Variants in FAM162A observed in about 807,000 individuals in gnomAD.
FAM162A encodes the protein protein FAM162A.
Under a neutral mutation model 21.8 loss-of-function variants are expected in FAM162A, and 23 were observed. The observed-to-expected ratio is 1.05, with a 90% CI of 0.76 to 1.49. The LOEUF (loss-of-function observed/expected upper bound fraction) is 1.49. FAM162A is among the 40% of genes most tolerant of loss of function. The pLI is 0.00. For synonymous variants in FAM162A, 53 were observed against 61.3 expected (o/e 0.86, Z 0.64); for missense variants, 165 against 186.4 (o/e 0.89, Z 0.67).
intron 2 of FAM162A, among the ~76,000 whole-genome samples, chr3:122,403,537 T>A (rs1431477129): frequency 6.6e-6 from 1 of 152,216 alleles, no homozygotes; most frequent in African/African-American, 2.4e-5. Context: ...GATTTTTATC[T>A]CTATTCCCGA....
At chr3:122,409,223 AG>A (rs773917018) in intron 4 of FAM162A, among the ~76,000 whole-genome samples, 1 of 152,192 alleles carries the variant, frequency 6.6e-6, no homozygotes, top group Non-Finnish European at 1.5e-5. Flanking sequence ...TTGGAATTGT[AG>A]TACAGATACT....
intron 1 of FAM162A, among the ~76,000 whole-genome samples, chr3:122,390,391 G>C (rs2075597074): frequency 1.3e-5 from 2 of 152,140 alleles, no homozygotes; most frequent in Admixed American, 1.3e-4. Context: ...AGACACTCTG[G>C]GGAGTGGGTT....
At position 122,409,594 on chromosome 3, in the gene FAM162A, T is replaced by C. The variant is rs994821843; in HGVS notation, c.373-145T>C. ...AAGCGTACGAGGAAGTTGAAGCACATAGAGGAAACTGCCGTGCTCAGTGTG... is the reference window on the plus strand; with the variant it reads ...AAGCGTACGAGGAAGTTGAAGCACACAGAGGAAACTGCCGTGCTCAGTGTG... On this transcript the variant is annotated intron_variant, in intron 4 of 4. Transcript: ENST00000477892. 4.4e-6 allele frequency: 3 copies of C among 684,596 alleles called. No individual in the cohort carries two copies. In the African/African-American group the frequency reaches 5.4e-5, roughly 12 times the overall value. 42.4% of individuals were successfully genotyped at this position (684,596 alleles called of 1,614,324 possible).
intron 1 of FAM162A, among the ~76,000 whole-genome samples, chr3:122,391,841 A>G (rs1013178162): frequency 9.2e-5 from 14 of 152,214 alleles, no homozygotes; most frequent in African/African-American, 3.4e-4. Flanking sequence ...CTCACAGAGG[A>G]CTTCCTAACT....
At chr3:122,384,341 C>G (rs912055216) in intron 1 of FAM162A, 42 bp downstream of exon 1, 6 of 1,558,072 alleles carry the variant, frequency 3.9e-6, no homozygotes, top group Non-Finnish European at 5.2e-6. Flanking sequence ...GGAGCTGGCC[C>G]GGCCGCTGCG....
Position 122,407,325 on chromosome 3 carries a change from T to C in FAM162A, c.308T>C (p.Ile103Thr). Residue 103 changes from isoleucine (I) to threonine (T), a missense_variant, in exon 4 of 5, where the codon ATC becomes ACC. Transcript: ENST00000477892. ...DAAKNKMRVK[I>T]SYLMIALTVV... ...GCAAAGAACAAGATGCGAGTGAAGA[T>C]CAGCTATCTAATGATTGCCCTGACG... The C allele has an allele frequency of 6.2e-7, 1 of 1,614,096 alleles. No homozygotes were observed. Among genetic ancestry groups the C allele is most frequent in the Non-Finnish European group, 8.5e-7 (1 of 1,179,980 alleles).
intron 1 of FAM162A, among the ~76,000 whole-genome samples, chr3:122,395,265 G>T (rs184828129): frequency 6.6e-6 from 1 of 152,122 alleles, no homozygotes; most frequent in Non-Finnish European, 1.5e-5. Context: ...GGAGGTTCTC[G>T]TTAGGGAATT....
chr3:122,394,278 A>G (rs1394363499), intron 1 of FAM162A, among the ~76,000 whole-genome samples: 8 of 152,022 alleles, frequency 5.3e-5, no homozygotes, highest in South Asian at 4.2e-4. Context: ...ACATTTCAAC[A>G]TGAGATTTGG....
At position 122,385,503 on chromosome 3, in the gene FAM162A, A is replaced by G. The variant is rs149456007; in HGVS notation, c.34+1204A>G. 1.2e-3 allele frequency among the ~76,000 whole-genome samples: 187 copies of G among 152,358 alleles called. 1 individual carries two copies. Among genetic ancestry groups the G allele is most frequent in the African/African-American group, 4.2e-3 (174 of 41,590 alleles). ...TGAAAGGATCATTGCTCTGTAAAAA[A>G]GTTAAAATGGACTGCATGAAAAGAA... On this transcript the variant is annotated intron_variant, in intron 1 of 4. Coordinates refer to ENST00000477892, the MANE Select transcript of FAM162A (RefSeq NM_014367.4).
chr3:122,408,572 G>A (rs908667378), intron 4 of FAM162A, among the ~76,000 whole-genome samples: 6 of 152,166 alleles, frequency 3.9e-5, no homozygotes, highest in African/African-American at 1.4e-4. Flanking sequence ...GTACGAAGGG[G>A]CAAATGTGCT....
intron 1 of FAM162A, among the ~76,000 whole-genome samples, chr3:122,387,216 A>G (rs1259442133): frequency 1.3e-5 from 2 of 152,226 alleles, no homozygotes; most frequent in East Asian, 3.8e-4. Flanking sequence ...AGGATATTGT[A>G]TCTTTCCACA....
rs1454406449 is a variant in FAM162A at position 122,401,918 on chromosome 3, CTGTT to C, written c.35-837_35-834del. Among the ~76,000 whole-genome samples, 8 of 152,116 alleles carry C rather than the reference CTGTT, an allele frequency of 5.3e-5. No individual in the cohort carries two copies. The East Asian group carries it at 5.8e-4, about 11-fold the overall frequency. ...AATTTTGTCTCATTCTATAAGTTGT[CTGTT>C]TGTTGATAGTTTCTTTTGCTGTGCA... On this transcript the variant is annotated intron_variant, in intron 1 of 4. Transcript: ENST00000477892.
chr3:122,384,451 G>A, intron 1 of FAM162A, 152 bp downstream of exon 1: 2 of 958,480 alleles, frequency 2.1e-6, no homozygotes, highest in South Asian at 2.9e-5. Context: ...TAGCCATGTG[G>A]GAGGGAACTA....
chr3:122,391,685 A>G (rs1390504357), intron 1 of FAM162A, among the ~76,000 whole-genome samples: 1 of 152,196 alleles, frequency 6.6e-6, no homozygotes, highest in African/African-American at 2.4e-5. Flanking sequence ...TCTTCCCATT[A>G]TTCATTCTGT....
intron 1 of FAM162A, among the ~76,000 whole-genome samples, chr3:122,387,788 GAACA>G (rs2075581534): frequency 6.6e-6 from 1 of 152,186 alleles, no homozygotes; most frequent in South Asian, 2.1e-4. Context: ...TTATTGCAAT[GAACA>G]AACAAACATA....
chr3:122,406,776 A>G (rs982479431), intron 3 of FAM162A, among the ~76,000 whole-genome samples: 1 of 152,250 alleles, frequency 6.6e-6, no homozygotes, highest in Non-Finnish European at 1.5e-5. Context: ...ACTTTCTCCA[A>G]TGTTTGATCA....
chr3:122,398,169 CATTT>C (rs1369228581), intron 1 of FAM162A, among the ~76,000 whole-genome samples: 1 of 152,154 alleles, frequency 6.6e-6, no homozygotes, highest in East Asian at 1.9e-4. Flanking sequence ...AAGAATCCAG[CATTT>C]ATTCCACATT....
At chr3:122,389,614 A>C (rs1421083094) in intron 1 of FAM162A, among the ~76,000 whole-genome samples, 1 of 152,228 alleles carries the variant, frequency 6.6e-6, no homozygotes, top group Admixed American at 6.5e-5. Flanking sequence ...GAATTACTAC[A>C]TTCAGATTAT....
chr3:122,387,672 C>T (rs6788318), intron 1 of FAM162A, among the ~76,000 whole-genome samples: 53,163 of 152,112 alleles, frequency 0.35, 10,335 homozygotes, highest in East Asian at 0.56. Flanking sequence ...TTACTTATTG[C>T]TCCTTTCCAG....
Sources: allele counts gnomAD v4.1 joint callset (sites outside exome capture counted in the v4.1 genomes callset), GRCh38; gene constraint gnomAD v4.1.1; transcripts MANE v1.5; gene names NCBI Gene and HGNC (gene_info 2026-07-23, HGNC 2026-07-21).